Variants in SIK2 observed in about 807,000 individuals in gnomAD.
The protein encoded by SIK2 is salt inducible kinase 2.
SIK2 carries 29 observed loss-of-function variants against 103.2 expected under a neutral mutation model. The observed-to-expected ratio is 0.28, with a 90% CI of 0.21 to 0.38. SIK2 has a LOEUF of 0.38. Among genes scored for constraint, SIK2 ranks in the 10% least tolerant of loss-of-function variants. The pLI is 1.00. For synonymous variants in SIK2, 412 were observed against 446.1 expected (o/e 0.92, Z 0.96); for missense variants, 879 against 1,171.0 (o/e 0.75, Z 3.64).
intron 2 of SIK2, among the ~76,000 whole-genome samples, chr11:111,617,463 A>C (rs1345776203): frequency 1.3e-5 from 2 of 151,836 alleles, no homozygotes; most frequent in Non-Finnish European, 2.9e-5. Context: ...GGTATGCTGG[A>C]CTCCGCCTGT....
At chr11:111,662,981 T>G (rs1942487278) in intron 3 of SIK2, among the ~76,000 whole-genome samples, 1 of 148,528 alleles carries the variant, frequency 6.7e-6, no homozygotes, top group Non-Finnish European at 1.5e-5. Context: ...ACCTGTAATC[T>G]CAACACTTTG....
Position 111,722,750 on chromosome 11 carries a change from A to G in SIK2, c.2141A>G (p.Glu714Gly), listed in dbSNP as rs759710060. The G allele has an allele frequency of 6.2e-7, 1 of 1,613,948 alleles. No individual in the cohort carries two copies. Among genetic ancestry groups the G allele is most frequent in the South Asian group, 1.1e-5 (1 of 91,024 alleles). ...PPRSLEQQLQ[E>G]HRLQQKRLFL... The stretch of plus-strand genomic sequence containing the variant: ...CGGAGCCTTGAGCAGCAGCTGCAGG[A>G]ACATAGGTGAGAAGGGGACTTTGGC... Residue 714 changes from glutamate to glycine, a missense_variant, in exon 14 of 15, where the codon GAA (glutamate) becomes GGA (glycine). Glu to Gly is a moderately conservative substitution (Grantham distance 98). Transcript: ENST00000304987. The surrounding 1 kb of genome is among the most constrained non-coding windows in gnomAD (Gnocchi z 4.4).
At chr11:111,686,075 AAG>A (rs1457016603) in intron 3 of SIK2, among the ~76,000 whole-genome samples, 1 of 152,216 alleles carries the variant, frequency 6.6e-6, no homozygotes, top group Non-Finnish European at 1.5e-5. Flanking sequence ...AGGTTTTAGG[AAG>A]ATGAAATGAG....
chr11:111,656,147 G>A (rs943524636), intron 3 of SIK2, among the ~76,000 whole-genome samples: 3 of 151,978 alleles, frequency 2.0e-5, no homozygotes, highest in Non-Finnish European at 4.4e-5. Flanking sequence ...CCAAGATTGC[G>A]CCACTGCACT....
In SIK2 at chr11:111,722,688, C is replaced by T; in HGVS notation, c.2079C>T (p.Ala693=). 1.2e-6 allele frequency: 2 copies of T among 1,613,972 alleles called. No homozygotes were observed. The highest frequency in any genetic ancestry group is 4.5e-5 in the East Asian group (2 of 44,892). ...AGAAGCCCAGCCTTCTGTCAAAGGC[C>T]CAGAACACCTGTCAGCTTTATTGCA... ...RLQKPSLLSK[A]QNTCQLYCKE... is the part of the protein sequence containing the mutation. The change falls in exon 14 of 15, where the codon GCC becomes GCT. Residue 693 remains alanine, a synonymous_variant. Coordinates refer to ENST00000304987, the MANE Select transcript of SIK2 (RefSeq NM_015191.3). This position sits in a 1 kb window ranked among gnomAD's most constrained non-coding sequence, Gnocchi z 4.4.
At chr11:111,661,696 T>A (rs1181177997) in intron 3 of SIK2, among the ~76,000 whole-genome samples, 1 of 152,226 alleles carries the variant, frequency 6.6e-6, no homozygotes, top group Non-Finnish European at 1.5e-5. Context: ...CAGTTCCACA[T>A]GGCCAGGGAG....
Position 111,712,286 on chromosome 11 carries a change from G to T in SIK2, c.1177G>T (p.Ala393Ser). 1 of 1,614,182 alleles carries T rather than the reference G, an allele frequency of 6.2e-7. No individual in the cohort carries two copies. The highest frequency in any genetic ancestry group is 8.5e-7 in the Non-Finnish European group (1 of 1,180,026). ...GCTGCGATCTGCCCTCCTCCCCCAG[G>T]CATCCAACGTGGAGGCCTTTTCATT... ...RLLRSALLPQ[A>S]SNVEAFSFPA... is the part of the protein sequence containing the mutation. The change falls in exon 9 of 15, where the codon GCA (alanine) becomes TCA (serine). Residue 393 changes from alanine (A) to serine (S), a missense_variant. Around this residue, in one of 7 missense-constraint regions of SIK2, gnomAD observed 222 missense variants for 258.0 expected, o/e 0.86. Transcript: ENST00000304987.
rs1332556905 is a variant in SIK2 at position 111,602,464 on chromosome 11, G to T, written c.-100G>T. Reference sequence around the variant, plus strand: ...AGCGGGAGGGAAGGAGCGAAGGAGCGAAGGAGCAAGCGGAGCGGCCGTCGC... The same window carrying T: ...AGCGGGAGGGAAGGAGCGAAGGAGCTAAGGAGCAAGCGGAGCGGCCGTCGC... On this transcript the variant is annotated 5_prime_UTR_variant, in exon 1 of 15. Transcript: ENST00000304987. This position sits in a 1 kb window ranked among gnomAD's most constrained non-coding sequence, Gnocchi z 4.5. 7.7e-7 allele frequency: 1 copy of T among 1,294,866 alleles called. No individual in the cohort carries two copies. Among genetic ancestry groups the T allele is most frequent in the East Asian group, 3.1e-5 (1 of 31,922 alleles). The allele number at this position is 1,294,866 out of a possible 1,614,324, so 80.2% of individuals were successfully genotyped here.
chr11:111,703,478 T>G (rs1225438583), intron 7 of SIK2, 55 bp downstream of exon 7: 2 of 1,489,512 alleles, frequency 1.3e-6, no homozygotes, highest in Non-Finnish European at 1.9e-6. Flanking sequence ...TGAAATTTCA[T>G]GCTCACACCT....
At chr11:111,654,999 A>G (rs540419449) in intron 3 of SIK2, among the ~76,000 whole-genome samples, 16 of 152,264 alleles carry the variant, frequency 1.1e-4, no homozygotes, top group Non-Finnish European at 1.8e-4. Context: ...TTCTCTTGAC[A>G]GAAAATTTAA....
rs146036208 is a variant in SIK2, at chr11:111,686,615, T to C, written c.317-1386T>C. On this transcript the variant is annotated intron_variant, in intron 3 of 14. Coordinates refer to ENST00000304987, the MANE Select transcript of SIK2 (RefSeq NM_015191.3). Reference sequence around the variant, plus strand: ...AGGACAATTATGTTAAATTTAAAAGTCTTTCAAGATTTGTGTTGATCAAAA... The same window carrying C: ...AGGACAATTATGTTAAATTTAAAAGCCTTTCAAGATTTGTGTTGATCAAAA... Among the ~76,000 whole-genome samples the C allele has an allele frequency of 1.2e-4, 18 of 152,300 alleles. 1 individual carries two copies. Among genetic ancestry groups the C allele is most frequent in the African/African-American group, 4.3e-4 (18 of 41,562 alleles).
At position 111,625,902 on chromosome 11, in the gene SIK2, A is replaced by G. The variant is rs188399522; in HGVS notation, c.316+5500A>G. Among the ~76,000 whole-genome samples the G allele has an allele frequency of 7.2e-5, 11 of 152,352 alleles. No homozygotes were observed. The East Asian group carries it at 2.1e-3, about 29-fold the overall frequency. On this transcript the variant is annotated intron_variant, in intron 3 of 14. Transcript: ENST00000304987. The stretch of plus-strand genomic sequence containing the variant: ...TTTTAAAGCTTTGGACTGTAGTTTT[A>G]CAAGTAAAGTAGAAATAGCTGTTAC...
rs959809800 is a variant in SIK2, at chr11:111,725,940, AAC to A, written c.*1817_*1818del. ...GGGACTGTCATTTTTGTGATTTAAT[AAC>A]ACACAGTGAAAATCCAGGAAGAATG... On this transcript the variant is annotated 3_prime_UTR_variant, in exon 15 of 15. Coordinates refer to ENST00000304987, the MANE Select transcript of SIK2 (RefSeq NM_015191.3). 2.0e-5 allele frequency: 3 copies of A among 152,222 alleles called. No homozygotes were observed. Among genetic ancestry groups the A allele is most frequent in the Non-Finnish European group, 4.4e-5 (3 of 68,044 alleles). 9.4% of individuals were successfully genotyped at this position (152,222 alleles called of 1,614,324 possible).
rs1392994998 is a variant in SIK2, at chr11:111,616,337, C to G, written c.230C>G (p.Pro77Arg). 2 of 1,607,728 alleles carry G rather than the reference C, an allele frequency of 1.2e-6. No individual in the cohort carries two copies. Among genetic ancestry groups the G allele is most frequent in the African/African-American group, 1.3e-5 (1 of 74,762 alleles). Reference protein sequence around the residue: ...EVQIMKMLDHPHIIKLYQVME... With the variant: ...EVQIMKMLDHRHIIKLYQVME... ...CAAATAATGAAAATGTTAGACCACC[C>G]TCACATAATCAAACTTTATCAGGTA... The change falls in exon 2 of 15, where the codon CCT (proline) becomes CGT (arginine). Residue 77 changes from proline (P) to arginine (R), a missense_variant. Pro to Arg is a moderately radical substitution (Grantham distance 103, BLOSUM62 -2). This residue lies in a region of SIK2 where 126 missense variants were observed against 245.5 expected (regional missense o/e 0.51). Coordinates refer to ENST00000304987, the MANE Select transcript of SIK2 (RefSeq NM_015191.3).
intron 3 of SIK2, among the ~76,000 whole-genome samples, chr11:111,634,997 T>A (rs1942087943): frequency 6.6e-6 from 1 of 152,236 alleles, no homozygotes; most frequent in Non-Finnish European, 1.5e-5. Context: ...TCTTTCCTTT[T>A]GAATTTTTAT....
chr11:111,702,355 C>T (rs1004807580), intron 6 of SIK2, among the ~76,000 whole-genome samples: 4 of 152,138 alleles, frequency 2.6e-5, no homozygotes, highest in African/African-American at 4.8e-5. Flanking sequence ...GAGGCTGAGG[C>T]GGGAGGATCT....
chr11:111,722,687 C>T lies in SIK2; in HGVS notation c.2078C>T (p.Ala693Val). 6.2e-7 allele frequency: 1 copy of T among 1,614,132 alleles called. No individual in the cohort carries two copies. The highest frequency in any genetic ancestry group is 8.5e-7 in the Non-Finnish European group (1 of 1,179,998). ...RLQKPSLLSK[A>V]QNTCQLYCKE... The stretch of plus-strand genomic sequence containing the variant: ...CAGAAGCCCAGCCTTCTGTCAAAGG[C>T]CCAGAACACCTGTCAGCTTTATTGC... Residue 693 changes from alanine to valine, a missense_variant, in exon 14 of 15, where the codon GCC (alanine) becomes GTC (valine). Coordinates refer to ENST00000304987, the MANE Select transcript of SIK2 (RefSeq NM_015191.3). The surrounding 1 kb of genome is among the most constrained non-coding windows in gnomAD (Gnocchi z 4.4).
intron 1 of SIK2, among the ~76,000 whole-genome samples, chr11:111,607,704 AT>A (rs897238062): frequency 2.6e-5 from 4 of 152,168 alleles, no homozygotes; most frequent in African/African-American, 9.7e-5. Context: ...CTTTCATAGA[AT>A]TTTTCTGTAG....
chr11:111,711,290 T>G (rs1943488210), intron 8 of SIK2, among the ~76,000 whole-genome samples: 1 of 151,994 alleles, frequency 6.6e-6, no homozygotes, highest in South Asian at 2.1e-4. Context: ...AGCTAATTTT[T>G]TTTTGTATTT....
Sources: allele counts gnomAD v4.1 joint callset (sites outside exome capture counted in the v4.1 genomes callset), GRCh38; gene constraint gnomAD v4.1.1; regional missense constraint gnomAD v4.1.1; non-coding constraint Gnocchi (gnomAD v3.1); transcripts MANE v1.5; gene names NCBI Gene and HGNC (gene_info 2026-07-23, HGNC 2026-07-21).